PCDH15: variants seen among roughly 807,000 people sequenced by gnomAD.
PCDH15 encodes protocadherin-15.
PCDH15 carries 129 observed loss-of-function variants against 178.5 expected under a neutral mutation model. That is an observed-to-expected ratio of 0.72 (90% CI 0.63 to 0.84). The LOEUF (loss-of-function observed/expected upper bound fraction) is 0.84, where lower values mean the gene tolerates loss of function less well. PCDH15 is among the 40% of genes least tolerant of loss of function. The pLI, the probability that PCDH15 is intolerant of heterozygous loss-of-function variation, is 0.00. For missense variants in PCDH15, 2,230 were observed against 2,099.9 expected, an observed-to-expected ratio of 1.06 and a Z score of -1.21; for synonymous variants, 800 against 732.0, an observed-to-expected ratio of 1.09 and a Z score of -1.50.
chr10:54,328,866 C>T (rs1938778930), intron 7 of PCDH15, among the ~76,000 whole-genome samples: 1 of 151,794 alleles, frequency 6.6e-6, no homozygotes, highest in Admixed American at 6.6e-5. Flanking sequence ...AAACATTGAG[C>T]TGCATAATTC....
chr10:54,383,887 C>T (rs565711248), intron 3 of PCDH15, among the ~76,000 whole-genome samples: 3 of 151,934 alleles, frequency 2.0e-5, no homozygotes, highest in South Asian at 2.1e-4. Context: ...GGCGCAATCT[C>T]GGCTCACTGC....
At chr10:54,840,642 G>A (rs1289578854) in intron 3 of PCDH15, among the ~76,000 whole-genome samples, 1 of 151,478 alleles carries the variant, frequency 6.6e-6, no homozygotes, top group East Asian at 1.9e-4. Flanking sequence ...AGTAAAGAGT[G>A]GCCAAATGAA....
intron 2 of PCDH15, among the ~76,000 whole-genome samples, chr10:54,928,854 T>C (rs1292043047): frequency 2.0e-5 from 3 of 152,180 alleles, no homozygotes; most frequent in African/African-American, 4.8e-5. Flanking sequence ...CATAACTTTA[T>C]TGGATTGAGT....
chr10:53,896,976 A>G (rs1252854539), intron 26 of PCDH15, among the ~76,000 whole-genome samples: 1 of 152,204 alleles, frequency 6.6e-6, no homozygotes, highest in Non-Finnish European at 1.5e-5. Context: ...AATAAAGTGC[A>G]TAATAAATGT....
intron 1 of PCDH15, among the ~76,000 whole-genome samples, chr10:55,295,902 A>G (rs1843119850): frequency 6.6e-6 from 1 of 151,998 alleles, no homozygotes; most frequent in Admixed American, 6.6e-5. Flanking sequence ...TTCAGACACT[A>G]ATCACAAAAC....
intron 17 of PCDH15, among the ~76,000 whole-genome samples, chr10:54,073,142 T>C (rs1292877117): frequency 6.6e-6 from 1 of 151,922 alleles, no homozygotes; most frequent in Non-Finnish European, 1.5e-5. Context: ...TGTGTATGTA[T>C]GTATACACAT....
intron 3 of PCDH15, among the ~76,000 whole-genome samples, chr10:54,406,687 T>C (rs1952713854): frequency 6.6e-6 from 1 of 152,062 alleles, no homozygotes; most frequent in Non-Finnish European, 1.5e-5. Flanking sequence ...CACATGATGC[T>C]AGGACAACTG....
At chr10:54,600,308 C>A in intron 2 of PCDH15, 2 of 540,082 alleles carry the variant, frequency 3.7e-6, no homozygotes, top group Admixed American at 2.3e-5. Flanking sequence ...GATAAAGATT[C>A]CAAGGAATCC....
intron 2 of PCDH15, among the ~76,000 whole-genome samples, chr10:55,440,333 T>C (rs1839149700): frequency 6.6e-6 from 1 of 152,190 alleles, no homozygotes; most frequent in African/African-American, 2.4e-5. Context: ...TTGACACATT[T>C]CTCTTAGTGC....
chr10:55,133,788 T>C (rs1564825369), intron 2 of PCDH15, among the ~76,000 whole-genome samples: 1 of 152,150 alleles, frequency 6.6e-6, no homozygotes, highest in African/African-American at 2.4e-5. Flanking sequence ...TTTTAGTTTT[T>C]TCAGAAACCA....
At chr10:55,015,611 G>A (rs563560500) in intron 2 of PCDH15, among the ~76,000 whole-genome samples, 17 of 152,106 alleles carry the variant, frequency 1.1e-4, no homozygotes, top group Non-Finnish European at 1.5e-4. Context: ...TGGTCCTGGC[G>A]GAAAACAGAA....
chr10:54,694,064 G>C (rs922771785), intron 1 of PCDH15, among the ~76,000 whole-genome samples: 1 of 151,952 alleles, frequency 6.6e-6, no homozygotes, highest in Non-Finnish European at 1.5e-5. Flanking sequence ...GACAATTGTG[G>C]TAATTCCAGA....
intron 2 of PCDH15, among the ~76,000 whole-genome samples, chr10:54,956,727 C>T (rs1202272462): frequency 2.6e-5 from 4 of 151,524 alleles, no homozygotes; most frequent in Non-Finnish European, 4.4e-5. Flanking sequence ...ACTTAACACA[C>T]CTTGAATATT....
chr10:54,528,722 A>T (rs949912329), intron 2 of PCDH15, among the ~76,000 whole-genome samples: 2 of 152,078 alleles, frequency 1.3e-5, no homozygotes, highest in African/African-American at 4.8e-5. Context: ...ACTTATGAAC[A>T]GTCTGTTATC....
intron 1 of PCDH15, among the ~76,000 whole-genome samples, chr10:55,261,110 C>A (rs1400330455): frequency 6.6e-6 from 1 of 152,124 alleles, no homozygotes; most frequent in Non-Finnish European, 1.5e-5. Context: ...CCATGTTATT[C>A]TTTCCATGCA....
At chr10:55,218,418 G>A (rs1023506875) in intron 1 of PCDH15, among the ~76,000 whole-genome samples, 1 of 151,994 alleles carries the variant, frequency 6.6e-6, no homozygotes, top group African/African-American at 2.4e-5. Context: ...ATGGAAAGAG[G>A]AGAGGAGAGA....
At chr10:55,150,115 A>G (rs1451049393) in intron 2 of PCDH15, among the ~76,000 whole-genome samples, 2 of 151,598 alleles carry the variant, frequency 1.3e-5, no homozygotes, top group Non-Finnish European at 2.9e-5. Flanking sequence ...AGAGGAGAGA[A>G]GAGAAGAGGA....
intron 1 of PCDH15, among the ~76,000 whole-genome samples, chr10:54,735,504 T>C (rs2132714463): frequency 6.7e-6 from 1 of 149,842 alleles, no homozygotes; most frequent in Non-Finnish European, 1.5e-5. Context: ...GACCCAGCCA[T>C]CTCATTACTG....
intron 2 of PCDH15, among the ~76,000 whole-genome samples, chr10:55,159,912 A>C (rs556619144): frequency 6.6e-6 from 1 of 151,462 alleles, no homozygotes; most frequent in Non-Finnish European, 1.5e-5. Flanking sequence ...GTGAAAAATA[A>C]ATATATGAAG....
Sources: gnomAD v4.1 joint callset for allele counts (sites outside exome capture counted in the v4.1 genomes callset) on GRCh38, gnomAD v4.1.1 for gene constraint, MANE v1.5 for transcripts, NCBI Gene and HGNC (gene_info 2026-07-23, HGNC 2026-07-21) for gene names.